RGS7: variants seen among roughly 807,000 people sequenced by gnomAD.
RGS7 encodes regulator of G-protein signaling 7.
RGS7 carries 27 observed loss-of-function variants against 81.1 expected under a neutral mutation model. The observed-to-expected ratio is 0.33, with a 90% CI of 0.25 to 0.46. RGS7 has a LOEUF of 0.46. RGS7 is among the 20% of genes least tolerant of loss of function. RGS7 has a pLI of 1.00. For synonymous variants in RGS7, 208 were observed against 207.7 expected (o/e 1.00, Z -0.01); for missense variants, 396 against 607.4 (o/e 0.65, Z 3.66).
At chr1:241,233,105 C>G (rs2148073470) in intron 2 of RGS7, among the ~76,000 whole-genome samples, 1 of 152,298 alleles carries the variant, frequency 6.6e-6, no homozygotes, top group South Asian at 2.1e-4. Context: ...GTATGTTTCC[C>G]TAGCACTGAA....
At chr1:241,118,476 C>A (rs1358810374) in intron 2 of RGS7, among the ~76,000 whole-genome samples, 1 of 152,026 alleles carries the variant, frequency 6.6e-6, no homozygotes, top group Non-Finnish European at 1.5e-5. Context: ...TAGGCTGTAC[C>A]TATTAATATT....
At chr1:241,018,305 GT>G (rs2059371227) in intron 3 of RGS7, among the ~76,000 whole-genome samples, 1 of 151,784 alleles carries the variant, frequency 6.6e-6, no homozygotes, top group Admixed American at 6.6e-5. Flanking sequence ...TTTAGACTGT[GT>G]TTTTTCCTCA....
At chr1:241,157,042 T>TA (rs1163627636) in intron 2 of RGS7, among the ~76,000 whole-genome samples, 8 of 152,162 alleles carry the variant, frequency 5.3e-5, no homozygotes, top group African/African-American at 1.9e-4. Context: ...ATATATGTTT[T>TA]AAAAATCCCT....
chr1:241,056,142 C>A (rs1415733903), intron 3 of RGS7, among the ~76,000 whole-genome samples: 3 of 152,194 alleles, frequency 2.0e-5, no homozygotes, highest in Non-Finnish European at 4.4e-5. Context: ...CACTAACATT[C>A]ACTCTAGCCC....
chr1:241,076,160 T>C (rs940417065), intron 3 of RGS7, among the ~76,000 whole-genome samples: 9 of 152,254 alleles, frequency 5.9e-5, no homozygotes, highest in Non-Finnish European at 1.2e-4. Flanking sequence ...GCATGATGTA[T>C]GCAACGTGGC....
chr1:241,092,020 A>G (rs2148932942), intron 3 of RGS7, among the ~76,000 whole-genome samples: 2 of 152,364 alleles, frequency 1.3e-5, no homozygotes, highest in East Asian at 3.8e-4. Context: ...TTTAAAGCCT[A>G]TTTATTATAT....
At chr1:241,339,335 C>A (rs937084069) in intron 2 of RGS7, among the ~76,000 whole-genome samples, 1 of 152,112 alleles carries the variant, frequency 6.6e-6, no homozygotes, top group Non-Finnish European at 1.5e-5. Context: ...TGTGAATAGG[C>A]CTTGCATATA....
intron 3 of RGS7, among the ~76,000 whole-genome samples, chr1:240,988,906 T>C (rs967554424): frequency 3.3e-5 from 5 of 152,204 alleles, no homozygotes; most frequent in African/African-American, 1.2e-4. Context: ...GCTTCCTTGG[T>C]AAATATGAAC....
intron 2 of RGS7, among the ~76,000 whole-genome samples, chr1:241,216,909 C>G (rs192046050): frequency 6.6e-6 from 1 of 152,312 alleles, no homozygotes; most frequent in African/African-American, 2.4e-5. Flanking sequence ...TCAGTTAAAC[C>G]TGAATCCAGC....
intron 3 of RGS7, among the ~76,000 whole-genome samples, chr1:241,065,627 C>T (rs1391570890): frequency 2.0e-5 from 3 of 152,116 alleles, no homozygotes; most frequent in Non-Finnish European, 4.4e-5. Context: ...GAAATTAATG[C>T]TCAAAATAAA....
chr1:241,207,334 T>C (rs532189343), intron 2 of RGS7, among the ~76,000 whole-genome samples: 23 of 150,772 alleles, frequency 1.5e-4, no homozygotes, highest in African/African-American at 5.1e-4. Flanking sequence ...GTATGGAGTA[T>C]GCACTTTAAA....
chr1:241,305,268 C>A (rs2080019397), intron 2 of RGS7, among the ~76,000 whole-genome samples: 1 of 152,296 alleles, frequency 6.6e-6, no homozygotes, highest in East Asian at 1.9e-4. Flanking sequence ...TGGAGAAACA[C>A]ATTCAGAAAA....
chr1:241,197,001 A>AT (rs1442935166), intron 2 of RGS7, among the ~76,000 whole-genome samples: 1 of 151,328 alleles, frequency 6.6e-6, no homozygotes, highest in Non-Finnish European at 1.5e-5. Context: ...TAAAAAAAAA[A>AT]AAAAAAGAAC....
chr1:240,877,337 GA>G lies in RGS7; in HGVS notation c.386-7219del, dbSNP rs982864960. Among the ~76,000 whole-genome samples the G allele has an allele frequency of 1.3e-4, 20 of 149,544 alleles. No homozygotes were observed. In the South Asian group the frequency reaches 2.9e-3, roughly 22 times the overall value. On this transcript the variant is annotated intron_variant, in intron 6 of 18. Transcript: ENST00000440928. ...AAATATATAAAGTAAAATATATACAGAAAAAATATATAAAGTAAAAAATCAT... is the reference window on the plus strand; with the variant it reads ...AAATATATAAAGTAAAATATATACAGAAAAATATATAAAGTAAAAAATCAT...
chr1:241,325,551 C>T (rs912856060), intron 2 of RGS7, among the ~76,000 whole-genome samples: 5 of 152,312 alleles, frequency 3.3e-5, no homozygotes, highest in Admixed American at 2.6e-4. Flanking sequence ...CTTAAACCTG[C>T]TTTCAAATAA....
chr1:241,089,021 ATCTCTC>A lies in RGS7; in HGVS notation c.175+9639_175+9644del, dbSNP rs1158514403. 4.4e-3 allele frequency among the ~76,000 whole-genome samples: 105 copies of A among 23,644 alleles called. 1 individual carries two copies. The highest frequency in any genetic ancestry group is 5.4e-3 in the Admixed American group (10 of 1,856). 15.5% of individuals were successfully genotyped at this position (23,644 alleles called of 152,430 possible). A position where few individuals can be genotyped will look rare whatever the true frequency, so the allele number is the denominator to read the frequency against. On this transcript the variant is annotated intron_variant, in intron 3 of 18. Coordinates refer to ENST00000440928, the MANE Select transcript of RGS7 (RefSeq NM_001364886.1). ...AGCCTGGGCCACAGAGCAAGACTCC[ATCTCTC>A]TCTCTCTCTCTCTCTCTCTCTCTCT...
At chr1:241,197,069 T>G (rs971504383) in intron 2 of RGS7, among the ~76,000 whole-genome samples, 1 of 150,440 alleles carries the variant, frequency 6.6e-6, no homozygotes, top group African/African-American at 2.4e-5. Flanking sequence ...GATTTTAAAC[T>G]TAATATATCA....
chr1:240,941,134 A>T (rs1417390881), intron 4 of RGS7, among the ~76,000 whole-genome samples: 2 of 152,204 alleles, frequency 1.3e-5, no homozygotes, highest in African/African-American at 4.8e-5. Flanking sequence ...ATTTAGTAGA[A>T]ATATACTGGT....
intron 2 of RGS7, among the ~76,000 whole-genome samples, chr1:241,114,631 C>A (rs900622514): frequency 5.3e-5 from 8 of 152,078 alleles, no homozygotes; most frequent in African/African-American, 1.9e-4. Flanking sequence ...ATGTTGAGGT[C>A]GAATAAAATG....
Sources: gnomAD v4.1 joint callset for allele counts (sites outside exome capture counted in the v4.1 genomes callset) on GRCh38, gnomAD v4.1.1 for gene constraint, MANE v1.5 for transcripts, NCBI Gene and HGNC (gene_info 2026-07-23, HGNC 2026-07-21) for gene names.